ZBTB11: variants seen among roughly 807,000 people sequenced by gnomAD.
ZBTB11 encodes the protein zinc finger and BTB domain-containing protein 11.
In ZBTB11, 68 loss-of-function variants were observed where a neutral mutation model predicts 113.1. That is an observed-to-expected ratio of 0.60 (90% CI 0.49 to 0.74). The LOEUF is 0.74. Among genes scored for constraint, ZBTB11 ranks in the 30% least tolerant of loss-of-function variants. The pLI is 0.00. For missense variants in ZBTB11, 1,104 were observed against 1,279.4 expected (o/e 0.86, Z 2.09); for synonymous variants, 518 against 452.6 (o/e 1.14, Z -1.83).
At chr3:101,664,738 T>C (rs892425205) in intron 4 of ZBTB11, 24 bp from the exon 5 acceptor site, 1 of 1,551,228 alleles carries the variant, frequency 6.4e-7, no homozygotes. Context: ...GAAATCACAA[T>C]CTAAGTAAAT....
In ZBTB11 at chr3:101,668,090, A is replaced by C. The variant is rs1292981091; in HGVS notation, c.779-2282T>G. On this transcript the variant is annotated intron_variant, in intron 3 of 10. Transcript: ENST00000312938. ...AACCTGGAGGACATCATGCTAAGTA[A>C]GTCAAGGACAGAAAGATAAATACCA... Among the ~76,000 whole-genome samples, 3 of 152,076 alleles carry C rather than the reference A, an allele frequency of 2.0e-5. No homozygotes were observed. In the East Asian group the frequency reaches 5.8e-4, roughly 29 times the overall value.
chr3:101,665,027 T>C lies in ZBTB11; in HGVS notation c.1560A>G (p.Leu520=). The change falls in exon 4 of 11, where the codon CTA becomes CTG. Residue 520 remains leucine (L), a synonymous_variant. Coordinates refer to ENST00000312938, the MANE Select transcript of ZBTB11 (RefSeq NM_014415.4). ...GCAGCTTTTTCTCCATTCCCTTGTG[T>C]AGTCGAATATATGCCCCTTCATTAA... ...RSVNEGAYIR[L]HKGMEKKLQK... 6.2e-7 allele frequency: 1 copy of C among 1,614,178 alleles called. No homozygotes were observed. The highest frequency in any genetic ancestry group is 8.5e-7 in the Non-Finnish European group (1 of 1,180,022).
In ZBTB11 at chr3:101,677,110, G is replaced by T; in HGVS notation, c.-196C>A. 1.7e-6 allele frequency: 1 copy of T among 590,118 alleles called. No homozygotes were observed. Among genetic ancestry groups the T allele is most frequent in the Non-Finnish European group, 2.8e-6 (1 of 357,682 alleles). The allele number at this position is 590,118 out of a possible 1,614,324, so 36.6% of individuals were successfully genotyped here. A position where few individuals can be genotyped will look rare whatever the true frequency, so the allele number is the denominator to read the frequency against. ...AACCAGGGGGAACTGCACTTCTCCAGCGCGCGGGATCCGCTGGCGACTGAC... is the reference window on the plus strand; with the variant it reads ...AACCAGGGGGAACTGCACTTCTCCATCGCGCGGGATCCGCTGGCGACTGAC... On this transcript the variant is annotated 5_prime_UTR_variant, in exon 1 of 11. The change creates a new upstream start codon in the 5' untranslated region. Transcript: ENST00000312938.
intron 8 of ZBTB11, 74 bp from the exon 9 acceptor site, chr3:101,653,012 T>C: frequency 9.0e-6 from 13 of 1,448,912 alleles, no homozygotes; most frequent in Non-Finnish European, 1.2e-5. Flanking sequence ...TCAGTAACTA[T>C]TTTTAGTTTT....
rs1936686705 is a variant in ZBTB11 at position 101,650,701 on chromosome 3, T to C, written c.*465A>G. 6.5e-6 allele frequency: 1 copy of C among 153,046 alleles called. No homozygotes were observed. Among genetic ancestry groups the C allele is most frequent in the African/African-American group, 2.4e-5 (1 of 41,458 alleles). The allele number at this position is 153,046 out of a possible 1,614,324, so 9.5% of individuals were successfully genotyped here. On this transcript the variant is annotated 3_prime_UTR_variant, in exon 11 of 11. Transcript: ENST00000312938. ...TGCATCCTATTGAAATGCTTTATATTAGAATTTTCTTTTTAATCCATAAAC... is the reference window on the plus strand; with the variant it reads ...TGCATCCTATTGAAATGCTTTATATCAGAATTTTCTTTTTAATCCATAAAC...
chr3:101,651,079 A>G lies in ZBTB11; in HGVS notation c.*87T>C. The G allele has an allele frequency of 1.4e-6, 2 of 1,442,700 alleles. No homozygotes were observed. The highest frequency in any genetic ancestry group is 2.9e-5 in the African/African-American group (2 of 69,910). The allele number at this position is 1,442,700 out of a possible 1,614,324, so 89.4% of individuals were successfully genotyped here. On this transcript the variant is annotated 3_prime_UTR_variant, in exon 11 of 11. Transcript: ENST00000312938. ...CCAGAACTTTGATATGTAAACTCCA[A>G]GCAGACAGTCACACAGAATTGTAAA...
chr3:101,650,526 A>C lies in ZBTB11; in HGVS notation c.*640T>G, dbSNP rs1429717835. ...AGCTATTCATTTATGGGTTCCTCAT[A>C]TAGATAAATATATTGTGCAAACTTG... On this transcript the variant is annotated 3_prime_UTR_variant, in exon 11 of 11. Transcript: ENST00000312938. The C allele has an allele frequency of 6.6e-6, 1 of 152,640 alleles. No homozygotes were observed. The highest frequency in any genetic ancestry group is 1.5e-5 in the Non-Finnish European group (1 of 68,022). The allele number at this position is 152,640 out of a possible 1,614,324, so 9.5% of individuals were successfully genotyped here.
In ZBTB11 at chr3:101,650,060, C is replaced by T. The variant is rs1314431129; in HGVS notation, c.*1106G>A. On this transcript the variant is annotated 3_prime_UTR_variant, in exon 11 of 11. Coordinates refer to ENST00000312938, the MANE Select transcript of ZBTB11 (RefSeq NM_014415.4). Reference sequence around the variant, plus strand: ...ATTAATATAACTTAGTTTTCATAACCTTTAAAAATAATTTATCTTCAACAA... The same window carrying T: ...ATTAATATAACTTAGTTTTCATAACTTTTAAAAATAATTTATCTTCAACAA... 1 of 152,352 alleles carries T rather than the reference C, an allele frequency of 6.6e-6. No individual in the cohort carries two copies. The highest frequency in any genetic ancestry group is 1.5e-5 in the Non-Finnish European group (1 of 67,962). The allele number at this position is 152,352 out of a possible 1,614,324, so 9.4% of individuals were successfully genotyped here.
rs76463296 is a variant in ZBTB11, at chr3:101,664,449, G to A, written c.1800+89C>T. 5.9e-3 allele frequency: 7,686 copies of A among 1,304,016 alleles called. 372 individuals are homozygous for A. In the African/African-American group the frequency reaches 0.1, roughly 17 times the overall value. The allele number at this position is 1,304,016 out of a possible 1,614,324, so 80.8% of individuals were successfully genotyped here. On this transcript the variant is annotated intron_variant, in intron 5 of 10. Transcript: ENST00000312938. The stretch of plus-strand genomic sequence containing the variant: ...GACTCTTATAGCCATATAAGACATA[G>A]AATACAAGCGAAAAGATAACCATGC...
rs533039573 is a variant in ZBTB11 at position 101,676,979 on chromosome 3, G to A, written c.-65C>T. The A allele has an allele frequency of 3.4e-6, 5 of 1,480,438 alleles. No individual in the cohort carries two copies. In the South Asian group the frequency reaches 4.1e-5, roughly 12 times the overall value. 91.7% of individuals were successfully genotyped at this position (1,480,438 alleles called of 1,614,324 possible). ...GTGAGGAAAACGGCCCGCTACCTAC[G>A]GGCGGCTGCAGGAGGAGCGGCGGCA... On this transcript the variant is annotated 5_prime_UTR_variant, in exon 1 of 11. Transcript: ENST00000312938.
intron 6 of ZBTB11, among the ~76,000 whole-genome samples, chr3:101,659,433 C>T (rs781288415): frequency 2.1e-4 from 32 of 152,152 alleles, no homozygotes; most frequent in Admixed American, 4.6e-4. Context: ...AGGACTTTTA[C>T]GGACCACAGA....
At chr3:101,666,240 T>C (rs1417553448) in intron 3 of ZBTB11, among the ~76,000 whole-genome samples, 1 of 152,184 alleles carries the variant, frequency 6.6e-6, no homozygotes, top group Non-Finnish European at 1.5e-5. Flanking sequence ...GTGGTACATA[T>C]AAAAATGTGA....
Position 101,655,723 on chromosome 3 carries a change from C to T in ZBTB11, c.2191+381G>A, listed in dbSNP as rs147804040. ...TCGCCCAGGCTGGAGTGCAGTGGCG[C>T]GATCTTGGCTCACAGCAACCTCCGC... is the stretch of plus-strand genomic sequence containing the variant. On this transcript the variant is annotated intron_variant, in intron 7 of 10. Transcript: ENST00000312938. 688 of 151,720 alleles carry T rather than the reference C, an allele frequency of 4.5e-3. 11 individuals carry two copies. The highest frequency in any genetic ancestry group is 0.016 in the African/African-American group (658 of 41,260). The allele number at this position is 151,720 out of a possible 1,614,324, so 9.4% of individuals were successfully genotyped here. A position where few individuals can be genotyped will look rare whatever the true frequency, so the allele number is the denominator to read the frequency against.
At chr3:101,676,284 TA>T (rs35915803) in intron 1 of ZBTB11, among the ~76,000 whole-genome samples, 54,313 of 152,066 alleles carry the variant, frequency 0.36, 10,075 homozygotes, top group African/African-American at 0.43. Flanking sequence ...GGCCGGGGCC[TA>T]CAGCCTCAAG....
chr3:101,674,867 T>G (rs1480864939), intron 1 of ZBTB11, among the ~76,000 whole-genome samples: 2 of 151,920 alleles, frequency 1.3e-5, no homozygotes, highest in African/African-American at 2.4e-5. Flanking sequence ...CACATAACAC[T>G]GGGTTAAGAA....
At chr3:101,656,078 CTA>C (rs1419449322) in intron 7 of ZBTB11, 24 bp downstream of exon 7, 1 of 1,456,194 alleles carries the variant, frequency 6.9e-7, no homozygotes, top group Non-Finnish European at 9.1e-7. Context: ...TGAAATGTAA[CTA>C]TGTCAATATA....
intron 1 of ZBTB11, among the ~76,000 whole-genome samples, chr3:101,672,594 T>C (rs750415338): frequency 1.6e-4 from 25 of 152,378 alleles, no homozygotes; most frequent in Middle Eastern, 3.4e-3. Context: ...CGCACGCCTG[T>C]AATCCCAGCT....
rs1559985672 is a variant in ZBTB11 at position 101,665,020 on chromosome 3, C to T, written c.1567G>A (p.Gly523Arg). The change falls in exon 4 of 11, where the codon GGA becomes AGA. Residue 523 changes from glycine to arginine, a missense_variant. Coordinates refer to ENST00000312938, the MANE Select transcript of ZBTB11 (RefSeq NM_014415.4). ...CGTTTCTGCAGCTTTTTCTCCATTCCCTTGTGTAGTCGAATATATGCCCCT... is the reference window on the plus strand; with the variant it reads ...CGTTTCTGCAGCTTTTTCTCCATTCTCTTGTGTAGTCGAATATATGCCCCT... ...NEGAYIRLHK[G>R]MEKKLQKRKA... The T allele has an allele frequency of 6.2e-7, 1 of 1,614,020 alleles. No individual in the cohort carries two copies. The highest frequency in any genetic ancestry group is 2.2e-5 in the East Asian group (1 of 44,868).
At chr3:101,668,620 C>CAAA (rs35363315) in intron 3 of ZBTB11, among the ~76,000 whole-genome samples, 3 of 117,694 alleles carry the variant, frequency 2.5e-5, no homozygotes, top group African/African-American at 6.7e-5. Flanking sequence ...AAGATTCTGT[C>CAAA]AAAAAAAAAA....
Sources: allele counts gnomAD v4.1 joint callset (sites outside exome capture counted in the v4.1 genomes callset), GRCh38; gene constraint gnomAD v4.1.1; transcripts MANE v1.5; gene names NCBI Gene and HGNC (gene_info 2026-07-23, HGNC 2026-07-21).